The following TBC1D22A variants were observed in gnomAD, a reference collection of about 807,000 sequenced individuals.
The protein encoded by TBC1D22A is putative GTPase activator.
Under a neutral mutation model 60.2 loss-of-function variants are expected in TBC1D22A, and 38 were observed. That is an observed-to-expected ratio of 0.63 (90% CI 0.49 to 0.83). The LOEUF is 0.83. TBC1D22A is among the 40% of genes least tolerant of loss of function. TBC1D22A has a pLI of 0.00. For synonymous variants in TBC1D22A, 302 were observed against 281.7 expected (o/e 1.07, Z -0.72); for missense variants, 628 against 701.0 (o/e 0.90, Z 1.18).
At chr22:46,919,709 A>G (rs558137618) in intron 8 of TBC1D22A, among the ~76,000 whole-genome samples, 20 of 145,934 alleles carry the variant, frequency 1.4e-4, no homozygotes, top group Admixed American at 9.7e-4. Context: ...ATCCTGGTCA[A>G]CACTTGTCAT....
intron 11 of TBC1D22A, among the ~76,000 whole-genome samples, chr22:47,072,138 C>G (rs1187894687): frequency 6.6e-6 from 1 of 152,202 alleles, no homozygotes; most frequent in Non-Finnish European, 1.5e-5. Flanking sequence ...GAGGCATGGC[C>G]AGGACGCTGG....
intron 9 of TBC1D22A, among the ~76,000 whole-genome samples, chr22:46,993,302 T>C (rs2075012450): frequency 6.6e-6 from 1 of 152,244 alleles, no homozygotes; most frequent in African/African-American, 2.4e-5. Context: ...TAAAAATTTA[T>C]ATTCACAGAC....
intron 4 of TBC1D22A, among the ~76,000 whole-genome samples, chr22:46,806,861 A>G (rs2051560498): frequency 6.6e-6 from 1 of 152,152 alleles, no homozygotes; most frequent in South Asian, 2.1e-4. Flanking sequence ...GGCCAGTCAG[A>G]CCTGAGTAGC....
Position 47,159,174 on chromosome 22 carries a change from TAC to T in TBC1D22A, c.1426-14316_1426-14315del, listed in dbSNP as rs542500237. Among the ~76,000 whole-genome samples, 9 of 143,532 alleles carry T rather than the reference TAC, an allele frequency of 6.3e-5. No homozygotes were observed. In the South Asian group the frequency reaches 1.8e-3, roughly 28 times the overall value. The allele number at this position is 143,532 out of a possible 152,430, so 94.2% of individuals were successfully genotyped here. On this transcript the variant is annotated intron_variant, in intron 12 of 12. Transcript: ENST00000337137. Reference sequence around the variant, plus strand: ...TCACACACACCATGTGTGCGGATACTACACACACAACACACACCACGCACACA... The same window carrying T: ...TCACACACACCATGTGTGCGGATACTACACACAACACACACCACGCACACA...
intron 4 of TBC1D22A, among the ~76,000 whole-genome samples, chr22:46,841,668 G>A (rs774277931): frequency 3.9e-5 from 6 of 152,290 alleles, no homozygotes; most frequent in Middle Eastern, 3.4e-3. Context: ...GTAGAATGGT[G>A]GTTATCAGGA....
intron 12 of TBC1D22A, among the ~76,000 whole-genome samples, chr22:47,138,954 G>A (rs5766695): frequency 0.27 from 40,602 of 152,134 alleles, 6,409 homozygotes; most frequent in East Asian, 0.68. Context: ...CCACCTTGGC[G>A]TGAGGATTTT....
intron 10 of TBC1D22A, among the ~76,000 whole-genome samples, chr22:47,015,791 A>G (rs909833734): frequency 1.3e-5 from 2 of 152,214 alleles, no homozygotes; most frequent in African/African-American, 4.8e-5. Context: ...TCCTCGAAGC[A>G]GCCTGGCGTC....
chr22:47,034,980 T>G (rs975825072), intron 10 of TBC1D22A, among the ~76,000 whole-genome samples: 1 of 152,040 alleles, frequency 6.6e-6, no homozygotes, highest in East Asian at 1.9e-4. Flanking sequence ...TCCCAGCCAC[T>G]CGTCCACCCA....
intron 11 of TBC1D22A, among the ~76,000 whole-genome samples, chr22:47,042,015 T>C (rs975047824): frequency 1.3e-5 from 2 of 152,196 alleles, no homozygotes; most frequent in African/African-American, 4.8e-5. Context: ...ATCACCGGTG[T>C]TTTGTCCACT....
At chr22:47,046,351 A>G (rs1294933168) in intron 11 of TBC1D22A, among the ~76,000 whole-genome samples, 1 of 151,994 alleles carries the variant, frequency 6.6e-6, no homozygotes, top group Non-Finnish European at 1.5e-5. Context: ...TCGCTTCCCT[A>G]GAGGAGAGCC....
At chr22:47,033,793 G>T (rs1199873979) in intron 10 of TBC1D22A, among the ~76,000 whole-genome samples, 3 of 152,180 alleles carry the variant, frequency 2.0e-5, no homozygotes, top group Non-Finnish European at 1.5e-5. Context: ...CATGGGTGTT[G>T]TTGGTCACCT....
chr22:47,127,205 C>G (rs2066487729), intron 12 of TBC1D22A, among the ~76,000 whole-genome samples: 1 of 148,292 alleles, frequency 6.7e-6, no homozygotes, highest in African/African-American at 2.5e-5. Flanking sequence ...ATTTTTTTGT[C>G]TTTATCTTTT....
At chr22:47,076,700 G>A (rs563635835) in intron 11 of TBC1D22A, among the ~76,000 whole-genome samples, 6 of 151,726 alleles carry the variant, frequency 4.0e-5, no homozygotes, top group Admixed American at 6.6e-5. Context: ...ATTGGTCTCC[G>A]CATTTGTGAT....
chr22:46,838,542 A>G (rs1032927664), intron 4 of TBC1D22A, among the ~76,000 whole-genome samples: 3 of 151,680 alleles, frequency 2.0e-5, no homozygotes, highest in Non-Finnish European at 4.4e-5. Flanking sequence ...TGGAGGGAAC[A>G]CTTCCCAGCT....
In TBC1D22A at chr22:46,900,847, T is replaced by C. The variant is rs118043858; in HGVS notation, c.900+6001T>C. Reference sequence around the variant, plus strand: ...TGCCCATTACAAAATAAATTTTCTCTAAACCTTCATGTACTAATCTTATTG... The same window carrying C: ...TGCCCATTACAAAATAAATTTTCTCCAAACCTTCATGTACTAATCTTATTG... On this transcript the variant is annotated intron_variant, in intron 7 of 12. Transcript: ENST00000337137. 9.8e-5 allele frequency among the ~76,000 whole-genome samples: 15 copies of C among 152,346 alleles called. No homozygotes were observed. The East Asian group carries it at 1.7e-3, about 18-fold the overall frequency.
intron 5 of TBC1D22A, among the ~76,000 whole-genome samples, chr22:46,881,823 C>T (rs2067866369): frequency 6.6e-6 from 1 of 152,220 alleles, no homozygotes; most frequent in African/African-American, 2.4e-5. Context: ...ATGCTCCATG[C>T]CCTGTGTTGG....
chr22:47,173,773 CCA>C lies in TBC1D22A; in HGVS notation c.*150_*151del. 4.8e-6 allele frequency: 6 copies of C among 1,250,490 alleles called. No individual in the cohort carries two copies. The highest frequency in any genetic ancestry group is 5.6e-6 in the Non-Finnish European group (5 of 897,710). 77.5% of individuals were successfully genotyped at this position (1,250,490 alleles called of 1,614,324 possible). ...CTCCAGGGGAGCTGGTGAAGATGGG[CCA>C]CAGACCTGGTCTAGGGCTGACAAAG... On this transcript the variant is annotated 3_prime_UTR_variant, in exon 13 of 13. Coordinates refer to ENST00000337137, the MANE Select transcript of TBC1D22A (RefSeq NM_014346.5).
chr22:47,101,132 G>A (rs1460778311), intron 11 of TBC1D22A, among the ~76,000 whole-genome samples: 3 of 152,228 alleles, frequency 2.0e-5, no homozygotes, highest in Middle Eastern at 3.2e-3. Context: ...TAGCGATTAA[G>A]AGAGGGGAAT....
At chr22:47,043,758 C>T (rs114689459) in intron 11 of TBC1D22A, among the ~76,000 whole-genome samples, 1,562 of 152,156 alleles carry the variant, frequency 0.01, 22 homozygotes, top group African/African-American at 0.035. Context: ...GTGGGTTGCA[C>T]CAAGGAAGAG....
Sources: allele counts gnomAD v4.1 joint callset (sites outside exome capture counted in the v4.1 genomes callset), GRCh38; gene constraint gnomAD v4.1.1; transcripts MANE v1.5; gene names NCBI Gene and HGNC (gene_info 2026-07-23, HGNC 2026-07-21).